MEI4: variants seen among roughly 807,000 people sequenced by gnomAD.
MEI4 encodes meiosis-specific protein MEI4.
A neutral mutation model predicts 31.4 loss-of-function variants in MEI4; 27 were observed. The ratio of observed to expected loss-of-function variants is 0.86; its 90% CI spans 0.63 to 1.19. The LOEUF is 1.19. Among genes scored for constraint, MEI4 ranks in the 50% most tolerant of loss-of-function variants. MEI4 has a pLI of 0.00. For synonymous variants in MEI4, 122 were observed against 145.4 expected, an observed-to-expected ratio of 0.84 and a Z score of 1.16; for missense variants, 329 against 398.9, an observed-to-expected ratio of 0.82 and a Z score of 1.49.
At chr6:77,715,333 C>T (rs544334021) in intron 2 of MEI4, among the ~76,000 whole-genome samples, 1 of 151,928 alleles carries the variant, frequency 6.6e-6, no homozygotes, top group African/African-American at 2.4e-5. Context: ...CCAGAAAACC[C>T]CTGAGAATGG....
intron 4 of MEI4, 39 bp from the exon 5 acceptor site, chr6:77,923,050 A>G: frequency 1.7e-6 from 2 of 1,202,726 alleles, no homozygotes; most frequent in Non-Finnish European, 2.1e-6. Context: ...TAGGTAATTT[A>G]TACCCAATTT....
upstream of MEI4, among the ~76,000 whole-genome samples, chr6:77,651,594 C>T (rs1028049420): frequency 3.3e-5 from 5 of 152,070 alleles, no homozygotes; most frequent in African/African-American, 7.2e-5. Context: ...AGATTTACAG[C>T]GTATTATATG....
chr6:77,792,222 C>T (rs1264887357), intron 3 of MEI4, among the ~76,000 whole-genome samples: 2 of 151,886 alleles, frequency 1.3e-5, no homozygotes, highest in African/African-American at 4.8e-5. Flanking sequence ...AAGTTGATTC[C>T]ATCTTTTAAT....
intron 3 of MEI4, among the ~76,000 whole-genome samples, chr6:77,800,756 G>T (rs1166399412): frequency 6.6e-6 from 1 of 152,020 alleles, no homozygotes; most frequent in Non-Finnish European, 1.5e-5. Flanking sequence ...TAATCATGTG[G>T]TTTTTTTCAT....
rs62415489 is a variant in MEI4, at chr6:77,790,831, A to G, written c.768+29166A>G. On this transcript the variant is annotated intron_variant, in intron 3 of 4. Transcript: ENST00000684080. ...GTACATTATGAACTCAAACAAATTTACAAGAAAAAAACAAACAACCCCATC... is the reference window on the plus strand; with the variant it reads ...GTACATTATGAACTCAAACAAATTTGCAAGAAAAAAACAAACAACCCCATC... Among the ~76,000 whole-genome samples, 15 of 152,206 alleles carry G rather than the reference A, an allele frequency of 9.9e-5. No homozygotes were observed. The South Asian group carries it at 3.1e-3, about 32-fold the overall frequency.
intron 4 of MEI4, among the ~76,000 whole-genome samples, chr6:77,837,023 A>C (rs531851768): frequency 1.4e-4 from 22 of 152,256 alleles, no homozygotes; most frequent in African/African-American, 5.1e-4. Context: ...TATTAGGTGT[A>C]AATGAAACAA....
chr6:77,764,617 A>G (rs2127683892), intron 3 of MEI4, among the ~76,000 whole-genome samples: 1 of 152,314 alleles, frequency 6.6e-6, no homozygotes, highest in South Asian at 2.1e-4. Context: ...GATTTAATTG[A>G]CATATACAGA....
At chr6:77,830,767 T>G (rs781628657) in intron 4 of MEI4, among the ~76,000 whole-genome samples, 34 of 151,952 alleles carry the variant, frequency 2.2e-4, no homozygotes, top group Non-Finnish European at 4.4e-4. Context: ...TGGATTAAAG[T>G]CTTAAATGTA....
At chr6:77,891,305 A>G (rs749358866) in intron 4 of MEI4, among the ~76,000 whole-genome samples, 1 of 152,110 alleles carries the variant, frequency 6.6e-6, no homozygotes, top group African/African-American at 2.4e-5. Context: ...GGTGTCTCAT[A>G]TATCATATAT....
intron 4 of MEI4, among the ~76,000 whole-genome samples, chr6:77,849,376 T>G (rs1244705709): frequency 6.6e-6 from 1 of 152,096 alleles, no homozygotes; most frequent in Non-Finnish European, 1.5e-5. Flanking sequence ...AGAAAGCATT[T>G]CAGGTCAGCT....
rs1271774172 is a variant in MEI4 at position 77,927,014 on chromosome 6, AAAAT to A, written c.*3672_*3675del. On this transcript the variant is annotated 3_prime_UTR_variant, in exon 5 of 5. Coordinates refer to ENST00000684080, the MANE Select transcript of MEI4 (RefSeq NM_001322247.2). ...ATATTACAGAGTATTACAAACATAAAAAATAAACTCAGCCTCTTTTTTGTTTCTT... is the reference window on the plus strand; with the variant it reads ...ATATTACAGAGTATTACAAACATAAAAAACTCAGCCTCTTTTTTGTTTCTT... 6.6e-6 allele frequency: 1 copy of A among 151,932 alleles called. No individual in the cohort carries two copies. The allele number at this position is 151,932 out of a possible 1,614,324, so 9.4% of individuals were successfully genotyped here. A position where few individuals can be genotyped will look rare whatever the true frequency, so the allele number is the denominator to read the frequency against.
At chr6:77,764,160 T>C (rs1376756552) in intron 3 of MEI4, among the ~76,000 whole-genome samples, 1 of 152,138 alleles carries the variant, frequency 6.6e-6, no homozygotes, top group Non-Finnish European at 1.5e-5. Context: ...TTGTTACTGG[T>C]CTTTTCAGGC....
chr6:77,744,098 A>G (rs1346482915), intron 2 of MEI4, among the ~76,000 whole-genome samples: 2 of 152,224 alleles, frequency 1.3e-5, no homozygotes, highest in Non-Finnish European at 2.9e-5. Context: ...CCTCACCAGC[A>G]ATGGAACAAA....
At chr6:77,897,208 C>T (rs1366650896) in intron 4 of MEI4, among the ~76,000 whole-genome samples, 1 of 151,876 alleles carries the variant, frequency 6.6e-6, no homozygotes, top group Non-Finnish European at 1.5e-5. Flanking sequence ...AGGAATTCCC[C>T]AAAAGAGTGT....
rs141392173 is a variant in MEI4, at chr6:77,735,479, C to G, written c.233-25651C>G. On this transcript the variant is annotated intron_variant, in intron 2 of 4. Coordinates refer to ENST00000684080, the MANE Select transcript of MEI4 (RefSeq NM_001322247.2). ...GTAGTTCTCGAGCCTTGGTTTTCAG[C>G]TTCATCAGGTCCTTTAAGCACTTCT... Among the ~76,000 whole-genome samples, 1,205 of 152,150 alleles carry G rather than the reference C, an allele frequency of 7.9e-3. 10 individuals carry two copies. Among genetic ancestry groups the G allele is most frequent in the Non-Finnish European group, 0.012 (795 of 68,026 alleles).
intron 4 of MEI4, among the ~76,000 whole-genome samples, chr6:77,913,571 T>C (rs954221818): frequency 6.6e-6 from 1 of 152,130 alleles, no homozygotes; most frequent in Non-Finnish European, 1.5e-5. Flanking sequence ...ATTTTGTTAA[T>C]GTATAGTTGT....
intron 4 of MEI4, among the ~76,000 whole-genome samples, chr6:77,919,513 A>G (rs947750586): frequency 4.6e-5 from 7 of 152,092 alleles, no homozygotes; most frequent in African/African-American, 1.7e-4. Flanking sequence ...GTAGAGGGAA[A>G]TTTATAGCAC....
intron 3 of MEI4, among the ~76,000 whole-genome samples, chr6:77,804,136 G>A (rs1373411935): frequency 2.0e-5 from 3 of 152,282 alleles, no homozygotes; most frequent in East Asian, 3.9e-4. Context: ...CGAGCTTCCT[G>A]GTGGCTTTGT....
intron 4 of MEI4, among the ~76,000 whole-genome samples, chr6:77,856,869 G>GCC (rs143993204): frequency 0.094 from 14,233 of 152,078 alleles, 852 homozygotes; most frequent in Non-Finnish European, 0.13. Context: ...TACATTTTGT[G>GCC]CCCACTTGAG....
Sources: allele counts gnomAD v4.1 joint callset (sites outside exome capture counted in the v4.1 genomes callset), GRCh38; gene constraint gnomAD v4.1.1; transcripts MANE v1.5; gene names NCBI Gene and HGNC (gene_info 2026-07-23, HGNC 2026-07-21).